The following GTF2E2 variants were observed in gnomAD, a reference collection of about 807,000 sequenced individuals.
The protein encoded by GTF2E2 is transcription initiation factor IIE subunit beta.
GTF2E2 carries 21 observed loss-of-function variants against 40.5 expected under a neutral mutation model. The observed-to-expected ratio is 0.52, with a 90% CI of 0.37 to 0.75. The LOEUF is 0.75. Among genes scored for constraint, GTF2E2 ranks in the 30% least tolerant of loss-of-function variants. GTF2E2 has a pLI of 0.00. For missense variants in GTF2E2, 298 were observed against 338.4 expected (o/e 0.88, Z 0.94); for synonymous variants, 117 against 121.6 (o/e 0.96, Z 0.25).
intron 3 of GTF2E2, among the ~76,000 whole-genome samples, chr8:30,634,279 C>T (rs1021616107): frequency 1.3e-5 from 2 of 152,114 alleles, no homozygotes; most frequent in Admixed American, 6.6e-5. Flanking sequence ...GAGACTTCGT[C>T]TCTTCTAAAA....
chr8:30,616,140 T>C (rs1375357819), intron 3 of GTF2E2, among the ~76,000 whole-genome samples: 1 of 152,014 alleles, frequency 6.6e-6, no homozygotes, highest in Non-Finnish European at 1.5e-5. Flanking sequence ...ATGGAGACAA[T>C]AAAAAGTTTA....
chr8:30,620,045 C>A (rs889277693), intron 3 of GTF2E2, among the ~76,000 whole-genome samples: 1 of 152,108 alleles, frequency 6.6e-6, no homozygotes, highest in African/African-American at 2.4e-5. Context: ...CCTGTAGAAA[C>A]TGACAGAGTA....
chr8:30,642,699 C>G lies in GTF2E2; in HGVS notation c.167-7576G>C, dbSNP rs544614157. Reference sequence around the variant, plus strand: ...TCTTCCTATATACACTATCCTACACCTTGTTCTTTTCACTTAAGAACATAT... The same window carrying G: ...TCTTCCTATATACACTATCCTACACGTTGTTCTTTTCACTTAAGAACATAT... On this transcript the variant is annotated intron_variant, in intron 2 of 7. Transcript: ENST00000355904. Among the ~76,000 whole-genome samples, 38 of 152,308 alleles carry G rather than the reference C, an allele frequency of 2.5e-4. 1 individual carries two copies. Among genetic ancestry groups the G allele is most frequent in the Admixed American group, 9.8e-4 (15 of 15,302 alleles).
chr8:30,652,047 G>A (rs1202089392), intron 2 of GTF2E2, among the ~76,000 whole-genome samples: 1 of 152,172 alleles, frequency 6.6e-6, no homozygotes, highest in Non-Finnish European at 1.5e-5. Context: ...TGACTCTTAT[G>A]CTAATCCATA....
intron 6 of GTF2E2, among the ~76,000 whole-genome samples, chr8:30,586,015 G>A (rs568966775): frequency 3.3e-5 from 5 of 152,250 alleles, no homozygotes; most frequent in Admixed American, 2.0e-4. Flanking sequence ...CCAGTTTGAC[G>A]TTGTGAGCTA....
Position 30,578,861 on chromosome 8 carries a change from C to T in GTF2E2, c.*60G>A. On this transcript the variant is annotated 3_prime_UTR_variant, in exon 8 of 8. Transcript: ENST00000355904. The stretch of plus-strand genomic sequence containing the variant: ...AGGAAGACAGTCTTCAGACCCCGAG[C>T]ATCAGCAAGAACACTCTTGATTGTG... The T allele has an allele frequency of 4.7e-6, 4 of 855,998 alleles. No individual in the cohort carries two copies. Among genetic ancestry groups the T allele is most frequent in the Non-Finnish European group, 6.1e-6 (3 of 489,452 alleles). The allele number at this position is 855,998 out of a possible 1,614,324, so 53.0% of individuals were successfully genotyped here.
rs538311015 is a variant in GTF2E2 at position 30,596,374 on chromosome 8, C to T, written c.643+10683G>A. On this transcript the variant is annotated intron_variant, in intron 6 of 7. Transcript: ENST00000355904. ...TTCACAGACTCCTTCTTTGGCTACA[C>T]CAAGTTTAATAATGAGCTTGTTGAA... is the stretch of plus-strand genomic sequence containing the variant. Among the ~76,000 whole-genome samples the T allele has an allele frequency of 1.3e-3, 203 of 152,252 alleles. 2 individuals carry two copies. Among genetic ancestry groups the T allele is most frequent in the South Asian group, 0.012 (59 of 4,818 alleles).
At chr8:30,633,923 C>T (rs1801511117) in intron 3 of GTF2E2, among the ~76,000 whole-genome samples, 1 of 152,136 alleles carries the variant, frequency 6.6e-6, no homozygotes, top group African/African-American at 2.4e-5. Flanking sequence ...CTCAGCTAGA[C>T]ACTAAGTCTA....
chr8:30,648,000 A>G (rs1802152960), intron 2 of GTF2E2, among the ~76,000 whole-genome samples: 1 of 152,238 alleles, frequency 6.6e-6, no homozygotes, highest in Admixed American at 6.5e-5. Context: ...AAGCTCTGTC[A>G]AAAAGAGTAG....
intron 2 of GTF2E2, among the ~76,000 whole-genome samples, chr8:30,641,304 A>C (rs1296998565): frequency 1.3e-5 from 2 of 152,216 alleles, no homozygotes; most frequent in Non-Finnish European, 2.9e-5. Flanking sequence ...CAAAGCATGT[A>C]AGTGCCTTTG....
intron 5 of GTF2E2, among the ~76,000 whole-genome samples, chr8:30,608,312 C>T (rs1187258741): frequency 1.3e-5 from 2 of 152,196 alleles, no homozygotes; most frequent in East Asian, 3.8e-4. Context: ...AAACAATATT[C>T]TCATCCCGTT....
chr8:30,586,735 G>A (rs1828698080), intron 6 of GTF2E2, among the ~76,000 whole-genome samples: 1 of 152,112 alleles, frequency 6.6e-6, no homozygotes, highest in Non-Finnish European at 1.5e-5. Flanking sequence ...TTTGACAAAG[G>A]TGCCAAGAAC....
intron 6 of GTF2E2, among the ~76,000 whole-genome samples, chr8:30,604,644 C>T (rs188979160): frequency 1.3e-5 from 2 of 152,318 alleles, no homozygotes; most frequent in East Asian, 3.9e-4. Context: ...TAAGATTTAA[C>T]TACCAAGCAT....
chr8:30,632,144 C>G (rs1348448131), intron 3 of GTF2E2, among the ~76,000 whole-genome samples: 1 of 152,096 alleles, frequency 6.6e-6, no homozygotes, highest in Non-Finnish European at 1.5e-5. Flanking sequence ...AATAACACAA[C>G]TTTTATCATA....
chr8:30,615,971 C>T (rs745946737), intron 3 of GTF2E2, among the ~76,000 whole-genome samples: 1 of 151,998 alleles, frequency 6.6e-6, no homozygotes, highest in Non-Finnish European at 1.5e-5. Flanking sequence ...TATATCCAGA[C>T]GATGGAATAC....
chr8:30,636,621 C>G (rs1402251872), intron 2 of GTF2E2, among the ~76,000 whole-genome samples: 2 of 152,108 alleles, frequency 1.3e-5, no homozygotes, highest in African/African-American at 4.8e-5. Flanking sequence ...GAATGCCTTA[C>G]AGTTGGGAAG....
Position 30,635,037 on chromosome 8 carries a change from T to C in GTF2E2, c.253A>G (p.Met85Val), listed in dbSNP as rs759040162. 5.1e-6 allele frequency: 8 copies of C among 1,567,624 alleles called. No homozygotes were observed. Among genetic ancestry groups the C allele is most frequent in the Non-Finnish European group, 7.0e-6 (8 of 1,140,796 alleles). Reference protein sequence around the residue: ...FGVLAKIVNYMKTRHQRGDTH... With the variant: ...FGVLAKIVNYVKTRHQRGDTH... ...TATCTGAGAAAAGTACTTACCTTCA[T>C]GTAATTCACAATCTTAGCAAGAACA... Residue 85 changes from methionine to valine, a missense_variant, in exon 3 of 8, where the codon ATG becomes GTG. Coordinates refer to ENST00000355904, the MANE Select transcript of GTF2E2 (RefSeq NM_002095.6).
At chr8:30,603,797 A>G (rs1829246379) in intron 6 of GTF2E2, among the ~76,000 whole-genome samples, 1 of 152,168 alleles carries the variant, frequency 6.6e-6, no homozygotes, top group African/African-American at 2.4e-5. Flanking sequence ...ACAACAAACA[A>G]CAGAGATAAA....
At chr8:30,628,199 C>A (rs1801340355) in intron 3 of GTF2E2, among the ~76,000 whole-genome samples, 1 of 152,150 alleles carries the variant, frequency 6.6e-6, no homozygotes, top group Admixed American at 6.5e-5. Context: ...TTCTGCCCAA[C>A]TGAGAACAAG....
Sources: allele counts gnomAD v4.1 joint callset (sites outside exome capture counted in the v4.1 genomes callset), GRCh38; gene constraint gnomAD v4.1.1; transcripts MANE v1.5; gene names NCBI Gene and HGNC (gene_info 2026-07-23, HGNC 2026-07-21).